The following RASEF variants were observed in gnomAD, a reference collection of about 807,000 sequenced individuals.
RASEF encodes RAS and EF-hand domain containing.
RASEF carries 68 observed loss-of-function variants against 90.1 expected under a neutral mutation model. The observed-to-expected ratio is 0.75, with a 90% CI of 0.62 to 0.92. The LOEUF (loss-of-function observed/expected upper bound fraction) is 0.92. Among genes scored for constraint, RASEF ranks in the 40% least tolerant of loss-of-function variants. The probability of loss-of-function intolerance (pLI) is 0.00; values close to 1 mark genes in which losing one functional copy is unlikely to be tolerated. For missense variants in RASEF, 949 were observed against 937.2 expected (o/e 1.01, Z -0.16); for synonymous variants, 331 against 345.2 (o/e 0.96, Z 0.46).
chr9:83,164,373 A>ATATATATATGTG, the RASEF span, among the ~76,000 whole-genome samples: 14 of 141,976 alleles, frequency 9.9e-5, no homozygotes, highest in East Asian at 2.0e-4. Flanking sequence ...ATATATATAT[A>ATATATATATGTG]TGTGTGTGTG....
chr9:83,005,506 G>A lies in RASEF; in HGVS notation c.1029-6C>T, dbSNP rs917805464. On this transcript the variant is annotated splice_polypyrimidine_tract_variant and splice_region_variant and intron_variant, in intron 7 of 16. Transcript: ENST00000376447. ...GTAGCTTCCGGTTAGCTGTTCTGCA[G>A]GGTAAAGAAACAAGCAGAAAGAGAG... 1.9e-6 allele frequency: 3 copies of A among 1,610,110 alleles called. No homozygotes were observed. In the African/African-American group the frequency reaches 4.0e-5, roughly 22 times the overall value.
intron 1 of RASEF, chr9:83,049,425 C>T (rs190202369): frequency 1.4e-6 from 1 of 723,084 alleles, no homozygotes; most frequent in African/African-American, 1.9e-5. Context: ...CCCATTCTCC[C>T]ATCACTTTTC....
At chr9:83,128,202 C>G in the RASEF span, among the ~76,000 whole-genome samples, 1 of 152,018 alleles carries the variant, frequency 6.6e-6, no homozygotes, top group Non-Finnish European at 1.5e-5. Context: ...TTCCATGTTA[C>G]TTTGTTCCTT....
At chr9:83,100,124 C>T in the RASEF span, among the ~76,000 whole-genome samples, 42,099 of 151,998 alleles carry the variant, frequency 0.28, 6,279 homozygotes, top group East Asian at 0.58. Flanking sequence ...AAGAATGAGA[C>T]TTTATTTCTT....
the RASEF span, among the ~76,000 whole-genome samples, chr9:83,092,105 G>T: frequency 2.2e-5 from 3 of 135,530 alleles, no homozygotes; most frequent in African/African-American, 8.4e-5. Flanking sequence ...AGTTGATTCT[G>T]GCTATTTTTT....
chr9:83,128,590 CT>C, the RASEF span, among the ~76,000 whole-genome samples: 1 of 152,140 alleles, frequency 6.6e-6, no homozygotes, highest in Non-Finnish European at 1.5e-5. Context: ...GGGGCCACCC[CT>C]GTGTCCCCTC....
At chr9:83,208,513 G>T in the RASEF span, among the ~76,000 whole-genome samples, 1 of 152,162 alleles carries the variant, frequency 6.6e-6, no homozygotes, top group South Asian at 2.1e-4. Flanking sequence ...TGTCTGAGTT[G>T]TGGCTGAACC....
At chr9:83,163,856 G>C in the RASEF span, among the ~76,000 whole-genome samples, 1 of 151,862 alleles carries the variant, frequency 6.6e-6, no homozygotes, top group Admixed American at 6.6e-5. Context: ...ACAAATTACA[G>C]ATTCAGGAGG....
At chr9:83,055,448 A>C in intron 1 of RASEF, 2 of 639,574 alleles carry the variant, frequency 3.1e-6, no homozygotes, top group Admixed American at 4.3e-5. Context: ...ACTGTCTCGC[A>C]CTCCGTAGTG....
the RASEF span, among the ~76,000 whole-genome samples, chr9:83,111,775 A>G: frequency 6.6e-6 from 1 of 152,102 alleles, no homozygotes; most frequent in Non-Finnish European, 1.5e-5. Context: ...ATGAATATGT[A>G]AATAATTTTA....
At chr9:83,000,032 C>A (rs1476489194) in intron 12 of RASEF, 137 bp downstream of exon 12, 6 of 540,138 alleles carry the variant, frequency 1.1e-5, no homozygotes, top group South Asian at 8.5e-5. Context: ...CACACACACA[C>A]ACACATTTAT....
upstream of RASEF, among the ~76,000 whole-genome samples, chr9:83,063,453 C>G (rs1487144823): frequency 6.6e-6 from 1 of 152,228 alleles, no homozygotes; most frequent in African/African-American, 2.4e-5. Context: ...GGGTTAAGTG[C>G]ATTTTATTAT....
chr9:83,134,716 A>G, the RASEF span, among the ~76,000 whole-genome samples: 1 of 152,154 alleles, frequency 6.6e-6, no homozygotes, highest in Non-Finnish European at 1.5e-5. Flanking sequence ...AAAATATTAA[A>G]CACGGAGTTA....
At chr9:83,188,710 G>C in the RASEF span, among the ~76,000 whole-genome samples, 1 of 152,016 alleles carries the variant, frequency 6.6e-6, no homozygotes, top group South Asian at 2.1e-4. Context: ...TCCACCTACC[G>C]CAGCCCAGCT....
the RASEF span, among the ~76,000 whole-genome samples, chr9:83,149,061 G>A: frequency 6.6e-5 from 10 of 152,336 alleles, no homozygotes; most frequent in Non-Finnish European, 1.0e-4. Flanking sequence ...AGACAAGGCA[G>A]TCGGTGATAG....
chr9:83,183,236 T>C, the RASEF span, among the ~76,000 whole-genome samples: 1 of 145,284 alleles, frequency 6.9e-6, no homozygotes, highest in Non-Finnish European at 1.5e-5. Flanking sequence ...AAACTGGATC[T>C]CACAGATACA....
chr9:83,010,454 A>G (rs1373473820), intron 5 of RASEF, among the ~76,000 whole-genome samples: 1 of 152,210 alleles, frequency 6.6e-6, no homozygotes, highest in African/African-American at 2.4e-5. Context: ...GCCAAAGGGA[A>G]CAGAGTGGGG....
chr9:83,110,198 C>T, the RASEF span, among the ~76,000 whole-genome samples: 3 of 152,042 alleles, frequency 2.0e-5, no homozygotes, highest in Admixed American at 6.6e-5. Flanking sequence ...ACCAGCAAAG[C>T]GACCATATTT....
chr9:83,213,805 T>C, the RASEF span, among the ~76,000 whole-genome samples: 2 of 152,244 alleles, frequency 1.3e-5, no homozygotes, highest in Non-Finnish European at 2.9e-5. Flanking sequence ...TCAATCTAAT[T>C]TGATCTAAAC....
Sources: gnomAD v4.1 joint callset for allele counts (sites outside exome capture counted in the v4.1 genomes callset) on GRCh38, gnomAD v4.1.1 for gene constraint, MANE v1.5 for transcripts, NCBI Gene and HGNC (gene_info 2026-07-23, HGNC 2026-07-21) for gene names.